RWDD2B: variants seen among roughly 807,000 people sequenced by gnomAD.
RWDD2B encodes RWD domain containing 2B, also known as RWD domain-containing protein 2B.
In RWDD2B, 36 loss-of-function variants were observed where a neutral mutation model predicts 33.6. That is an observed-to-expected ratio of 1.07 (90% confidence interval 0.82 to 1.42). The LOEUF (loss-of-function observed/expected upper bound fraction) is 1.42. RWDD2B is among the 40% of genes most tolerant of loss of function. The pLI is 0.00. For missense variants in RWDD2B, 364 were observed against 377.5 expected, an observed-to-expected ratio of 0.96 and a Z score of 0.30; for synonymous variants, 126 against 133.1, an observed-to-expected ratio of 0.95 and a Z score of 0.37.
intron 4 of RWDD2B, 143 bp downstream of exon 4, chr21:29,007,618 T>C: frequency 2.5e-6 from 2 of 803,140 alleles, no homozygotes; most frequent in Middle Eastern, 2.9e-4. Flanking sequence ...CAGGTTTCTA[T>C]ATGTGCTCCA....
At position 29,005,407 on chromosome 21, in the gene RWDD2B, T is replaced by C. The variant is rs1170304105; in HGVS notation, c.*1010A>G. On this transcript the variant is annotated 3_prime_UTR_variant, in exon 5 of 5. Transcript: ENST00000493196. The stretch of plus-strand genomic sequence containing the variant: ...ATGCAAAACTAAAGCTCTGAAAAAC[T>C]CTATTTGACAAACTAGCTTTCAACT... 1.3e-5 allele frequency: 2 copies of C among 152,084 alleles called. No homozygotes were observed. The highest frequency in any genetic ancestry group is 2.9e-5 in the Non-Finnish European group (2 of 68,012). 9.4% of individuals were successfully genotyped at this position (152,084 alleles called of 1,614,324 possible).
Position 29,006,292 on chromosome 21 carries a change from C to T in RWDD2B, c.*125G>A, listed in dbSNP as rs1007902074. ...ATGCATTTCAGCTATACTATTTTTT[C>T]TTGTGCCCCACTCCCCAACATTCTA... On this transcript the variant is annotated 3_prime_UTR_variant, in exon 5 of 5. Transcript: ENST00000493196. 4 of 589,588 alleles carry T rather than the reference C, an allele frequency of 6.8e-6. No homozygotes were observed. Among genetic ancestry groups the T allele is most frequent in the African/African-American group, 1.9e-5 (1 of 52,608 alleles). The allele number at this position is 589,588 out of a possible 1,614,324, so 36.5% of individuals were successfully genotyped here.
intron 1 of RWDD2B, among the ~76,000 whole-genome samples, chr21:29,010,657 C>CTCTCCCG (rs2084852984): frequency 6.7e-6 from 1 of 149,434 alleles, no homozygotes; most frequent in Non-Finnish European, 1.5e-5. Context: ...CTCCCTCTCC[C>CTCTCCCG]TCTCCCGTCT....
At chr21:29,018,184 C>G (rs1346422237) in intron 1 of RWDD2B, among the ~76,000 whole-genome samples, 1 of 152,132 alleles carries the variant, frequency 6.6e-6, no homozygotes, top group African/African-American at 2.4e-5. Context: ...ATGCAGAGAA[C>G]AGAGGCAACA....
At chr21:29,018,988 A>G (rs878797) in intron 1 of RWDD2B, among the ~76,000 whole-genome samples, 102,148 of 152,050 alleles carry the variant, frequency 0.67, 35,152 homozygotes, top group South Asian at 0.78. Context: ...CCCAGCACGC[A>G]GCCGCCCTCG....
chr21:29,015,309 C>T (rs2146340661), intron 1 of RWDD2B, among the ~76,000 whole-genome samples: 1 of 124,168 alleles, frequency 8.1e-6, no homozygotes, highest in South Asian at 2.8e-4. Context: ...TGGCTTATTG[C>T]AACCTCCACC....
chr21:29,018,166 C>T (rs1292239739), intron 1 of RWDD2B, among the ~76,000 whole-genome samples: 15 of 152,130 alleles, frequency 9.9e-5, no homozygotes, highest in Admixed American at 9.8e-4. Context: ...GCTTCAGGTT[C>T]TGGATACATG....
chr21:29,006,561 C>T lies in RWDD2B; in HGVS notation c.816G>A (p.Arg272=). 1 of 1,613,906 alleles carries T rather than the reference C, an allele frequency of 6.2e-7. No homozygotes were observed. Among genetic ancestry groups the T allele is most frequent in the South Asian group, 1.1e-5 (1 of 91,074 alleles). The change falls in exon 5 of 5, where the codon AGG becomes AGA. Residue 272 remains arginine (R), a synonymous_variant. Coordinates refer to ENST00000493196, the MANE Select transcript of RWDD2B (RefSeq NM_016940.3). ...DGTNDETERQ[R]KFSIFEEKVF... is the part of the protein sequence containing the mutation. ...CTTTTTCTTCAAAAATGGAAAATTT[C>T]CTTTGTCTTTCCGTTTCATCATTTG...
At position 29,019,223 on chromosome 21, in the gene RWDD2B, C is replaced by T. The variant is rs149308877; in HGVS notation, c.55G>A (p.Ala19Thr). Reference protein sequence around the residue: ...PWNPGYSSEGATAQETYTCPK... With the variant: ...PWNPGYSSEGTTAQETYTCPK... ...AGGCGAGACTCACCTTGAGCCGTGG[C>T]CCCCTCACTGCTGTAACCCGGGTTC... is the stretch of plus-strand genomic sequence containing the variant. Residue 19 changes from alanine (A) to threonine (T), a missense_variant, in exon 1 of 5, where the codon GCC (alanine) becomes ACC (threonine). By Grantham distance (58) the Ala-to-Thr change is moderately conservative. Coordinates refer to ENST00000493196, the MANE Select transcript of RWDD2B (RefSeq NM_016940.3). 362 of 1,601,552 alleles carry T rather than the reference C, an allele frequency of 2.3e-4. No homozygotes were observed. The highest frequency in any genetic ancestry group is 2.9e-4 in the Non-Finnish European group (335 of 1,174,994).
Position 29,006,615 on chromosome 21 carries a change from G to T in RWDD2B, c.762C>A (p.Arg254=). The change falls in exon 5 of 5, where the codon CGC becomes CGA. Residue 254 remains arginine (R), a synonymous_variant. Coordinates refer to ENST00000493196, the MANE Select transcript of RWDD2B (RefSeq NM_016940.3). ...CATCAAAAGGAATGTCTTCTCGATG[G>T]CGAATTAAAATTCTCTTCCAGTTTA... is the stretch of plus-strand genomic sequence containing the variant. ...RKLNWKRILI[R]HREDIPFDGT... 6.2e-7 allele frequency: 1 copy of T among 1,606,610 alleles called. No individual in the cohort carries two copies. The highest frequency in any genetic ancestry group is 8.5e-7 in the Non-Finnish European group (1 of 1,177,502).
chr21:29,017,052 T>C (rs530858335), intron 1 of RWDD2B, among the ~76,000 whole-genome samples: 13 of 152,114 alleles, frequency 8.5e-5, no homozygotes, highest in African/African-American at 2.9e-4. Flanking sequence ...CTGGGTTTTT[T>C]AGTAGAGACG....
At position 29,008,006 on chromosome 21, in the gene RWDD2B, T is replaced by C. The variant is rs763847102; in HGVS notation, c.480A>G (p.Glu160=). The C allele has an allele frequency of 6.8e-6, 11 of 1,614,142 alleles. No individual in the cohort carries two copies. Among genetic ancestry groups the C allele is most frequent in the Non-Finnish European group, 9.3e-6 (11 of 1,180,064 alleles). ...CTCTGCTGACATAGCCAGAGGCGTGTTCTCTAACCCACTCTGTGGCATTCA... is the reference window on the plus strand; with the variant it reads ...CTCTGCTGACATAGCCAGAGGCGTGCTCTCTAACCCACTCTGTGGCATTCA... ...CILNATEWVR[E]HASGYVSRDT... The change falls in exon 4 of 5, where the codon GAA becomes GAG. Residue 160 remains glutamate, a synonymous_variant. Transcript: ENST00000493196.
At chr21:29,012,330 A>AG (rs1379190015) in intron 1 of RWDD2B, among the ~76,000 whole-genome samples, 1 of 152,146 alleles carries the variant, frequency 6.6e-6, no homozygotes, top group African/African-American at 2.4e-5. Context: ...TGGAATAGAA[A>AG]GGGGGGAAAG....
In RWDD2B at chr21:29,008,324, A is replaced by C. The variant is rs2084839453; in HGVS notation, c.295-17T>G. On this transcript the variant is annotated splice_polypyrimidine_tract_variant and intron_variant, in intron 2 of 4. Transcript: ENST00000493196. ...AAACATCGCCTGATTAAAGAGAAGA[A>C]GAAAAAGTGCACTAACCAATGTTTT... The C allele has an allele frequency of 1.9e-6, 3 of 1,613,906 alleles. No individual in the cohort carries two copies. Among genetic ancestry groups the C allele is most frequent in the Non-Finnish European group, 2.5e-6 (3 of 1,179,726 alleles).
chr21:29,016,560 G>A (rs764379765), intron 1 of RWDD2B, among the ~76,000 whole-genome samples: 18 of 144,104 alleles, frequency 1.2e-4, no homozygotes, highest in Non-Finnish European at 1.9e-4. Flanking sequence ...CACTGCTCCC[G>A]GCCTTTTTTT....
chr21:29,010,815 G>A (rs1484832951), intron 1 of RWDD2B, among the ~76,000 whole-genome samples: 2 of 149,946 alleles, frequency 1.3e-5, no homozygotes, highest in Admixed American at 6.6e-5. Context: ...TTGCAGGCGC[G>A]CGCCGCCACC....
chr21:29,017,486 C>T (rs2084896068), intron 1 of RWDD2B, among the ~76,000 whole-genome samples: 1 of 151,954 alleles, frequency 6.6e-6, no homozygotes, highest in African/African-American at 2.4e-5. Flanking sequence ...GTCGCCCACG[C>T]CTGTAGTCCC....
chr21:29,012,170 G>T (rs1488253522), intron 1 of RWDD2B, among the ~76,000 whole-genome samples: 2 of 70,208 alleles, frequency 2.8e-5, no homozygotes, highest in Admixed American at 1.2e-4. Flanking sequence ...GGAGGTGGGG[G>T]TGGTCAGCCC....
chr21:29,008,370 C>T lies in RWDD2B; in HGVS notation c.294+25G>A, dbSNP rs367609704. 9.3e-6 allele frequency: 15 copies of T among 1,612,326 alleles called. No homozygotes were observed. In the East Asian group the frequency reaches 1.8e-4, roughly 19 times the overall value. ...GTTTTAAGTCTCAACATGTTTCAAT[C>T]CCTCTAAAAGCAAAACTGAATTACC... On this transcript the variant is annotated intron_variant, in intron 2 of 4. Transcript: ENST00000493196.
Sources: allele counts gnomAD v4.1 joint callset (sites outside exome capture counted in the v4.1 genomes callset), GRCh38; gene constraint gnomAD v4.1.1; transcripts MANE v1.5; gene names NCBI Gene and HGNC (gene_info 2026-07-23, HGNC 2026-07-21).